The following CLSTN2 variants were observed in gnomAD, a reference collection of about 807,000 sequenced individuals.
CLSTN2 encodes the protein calsyntenin 2.
A neutral mutation model predicts 101.2 loss-of-function variants in CLSTN2; 48 were observed. The observed-to-expected ratio is 0.47, with a 90% confidence interval of 0.38 to 0.60. The LOEUF (loss-of-function observed/expected upper bound fraction) is 0.60. CLSTN2 is among the 20% of genes least tolerant of loss of function. The probability of loss-of-function intolerance (pLI) is 0.00; values close to 1 mark genes in which losing one functional copy is unlikely to be tolerated. For synonymous variants in CLSTN2, 481 were observed against 463.6 expected (o/e 1.04, Z -0.48); for missense variants, 1,160 against 1,238.2 (o/e 0.94, Z 0.95).
At chr3:140,253,817 C>A (rs2086583405) in intron 2 of CLSTN2, among the ~76,000 whole-genome samples, 1 of 151,120 alleles carries the variant, frequency 6.6e-6, no homozygotes, top group Non-Finnish European at 1.5e-5. Context: ...AGATATGGTT[C>A]TTGCCATTTA....
At chr3:140,204,198 G>T (rs1253446990) in intron 2 of CLSTN2, among the ~76,000 whole-genome samples, 2 of 152,064 alleles carry the variant, frequency 1.3e-5, no homozygotes, top group Non-Finnish European at 2.9e-5. Flanking sequence ...ATAGCATATG[G>T]CATGTGGAAG....
At position 140,121,305 on chromosome 3, in the gene CLSTN2, C is replaced by T. The variant is rs961537965; in HGVS notation, c.110-54646C>T. 2.6e-5 allele frequency among the ~76,000 whole-genome samples: 4 copies of T among 152,212 alleles called. No individual in the cohort carries two copies. In the East Asian group the frequency reaches 5.8e-4, roughly 22 times the overall value. ...GCCATAACACCCCAATTTCCTCTCA[C>T]GTGAAATGGGTATTGTGTAGGGGAA... On this transcript the variant is annotated intron_variant, in intron 1 of 16. Transcript: ENST00000458420.
At chr3:140,316,777 T>C (rs1353154878) in intron 2 of CLSTN2, among the ~76,000 whole-genome samples, 1 of 152,182 alleles carries the variant, frequency 6.6e-6, no homozygotes, top group East Asian at 1.9e-4. Context: ...CAAGTGATAT[T>C]CTAATCTGTC....
intron 16 of CLSTN2, among the ~76,000 whole-genome samples, chr3:140,565,343 G>T (rs755872206): frequency 1.1e-4 from 16 of 152,180 alleles, no homozygotes; most frequent in Non-Finnish European, 2.2e-4. Context: ...AAGTGTAAGG[G>T]GAGGGGTTGG....
At chr3:140,397,951 T>C (rs190161806) in intron 2 of CLSTN2, among the ~76,000 whole-genome samples, 66 of 60,694 alleles carry the variant, frequency 1.1e-3, no homozygotes, top group Middle Eastern at 0.021. Flanking sequence ...CATGCATTAA[T>C]ATCACTACCC....
At chr3:139,945,638 G>A (rs1276440165) in intron 1 of CLSTN2, among the ~76,000 whole-genome samples, 1 of 152,136 alleles carries the variant, frequency 6.6e-6, no homozygotes. Context: ...TAAATTTTCA[G>A]GAAGAACCAG....
rs1274971733 is a variant in CLSTN2 at position 140,533,974 on chromosome 3, T to C, written c.1507+1488T>C. Among the ~76,000 whole-genome samples the C allele has an allele frequency of 3.9e-5, 6 of 152,280 alleles. No homozygotes were observed. In the South Asian group the frequency reaches 1.2e-3, roughly 32 times the overall value. On this transcript the variant is annotated intron_variant, in intron 9 of 16. Coordinates refer to ENST00000458420, the MANE Select transcript of CLSTN2 (RefSeq NM_022131.3). ...TTGATGTCTCACTTGTGTCACATGA[T>C]AGCAAAATGTTTATTAAATATTTCA...
At chr3:140,022,325 A>G (rs1215079819) in intron 1 of CLSTN2, among the ~76,000 whole-genome samples, 2 of 152,234 alleles carry the variant, frequency 1.3e-5, no homozygotes, top group African/African-American at 2.4e-5. Flanking sequence ...AGAGTCACTG[A>G]GAGTGACTGA....
At chr3:140,279,445 G>A (rs2086825676) in intron 2 of CLSTN2, among the ~76,000 whole-genome samples, 1 of 152,222 alleles carries the variant, frequency 6.6e-6, no homozygotes, top group African/African-American at 2.4e-5. Flanking sequence ...GCCAAAAGGT[G>A]TTACATTGAG....
At chr3:140,279,839 C>T (rs1301735311) in intron 2 of CLSTN2, among the ~76,000 whole-genome samples, 1 of 152,176 alleles carries the variant, frequency 6.6e-6, no homozygotes, top group Admixed American at 6.5e-5. Context: ...AGAATTAGAC[C>T]TCCTTCTCAT....
chr3:139,952,620 C>G (rs1935313407), intron 1 of CLSTN2, among the ~76,000 whole-genome samples: 1 of 152,108 alleles, frequency 6.6e-6, no homozygotes, highest in Admixed American at 6.6e-5. Flanking sequence ...GACAGCCAGA[C>G]AAAAGTATTT....
At chr3:140,075,516 A>C (rs1447576809) in intron 1 of CLSTN2, among the ~76,000 whole-genome samples, 1 of 152,182 alleles carries the variant, frequency 6.6e-6, no homozygotes, top group Admixed American at 6.5e-5. Context: ...TAATACTCTT[A>C]CATCAAAACA....
At chr3:140,301,570 A>G (rs548118031) in intron 2 of CLSTN2, among the ~76,000 whole-genome samples, 10 of 152,372 alleles carry the variant, frequency 6.6e-5, no homozygotes, top group Admixed American at 2.6e-4. Context: ...TGAAAACAGC[A>G]AATAACATCT....
intron 1 of CLSTN2, among the ~76,000 whole-genome samples, chr3:140,077,262 T>A (rs2008507763): frequency 6.6e-6 from 1 of 152,184 alleles, no homozygotes; most frequent in Non-Finnish European, 1.5e-5. Context: ...GCCTCTTCTG[T>A]CCTAGTCATT....
chr3:140,476,422 G>A (rs1330970864), intron 8 of CLSTN2, among the ~76,000 whole-genome samples: 1 of 152,184 alleles, frequency 6.6e-6, no homozygotes, highest in Admixed American at 6.5e-5. Context: ...ACATAGCAAG[G>A]TGCTTTCCAC....
chr3:140,060,583 C>T (rs913527667), intron 1 of CLSTN2, among the ~76,000 whole-genome samples: 1 of 152,096 alleles, frequency 6.6e-6, no homozygotes, highest in Non-Finnish European at 1.5e-5. Flanking sequence ...ATGGGAAGGC[C>T]GAAGGATGAT....
intron 9 of CLSTN2, among the ~76,000 whole-genome samples, chr3:140,543,939 A>C (rs928758976): frequency 3.3e-5 from 5 of 152,210 alleles, no homozygotes; most frequent in Admixed American, 1.3e-4. Flanking sequence ...GCAATAGGGA[A>C]GGAATAATCT....
intron 1 of CLSTN2, among the ~76,000 whole-genome samples, chr3:139,956,241 T>G (rs760591427): frequency 6.6e-6 from 1 of 152,192 alleles, no homozygotes; most frequent in African/African-American, 2.4e-5. Context: ...CTTGGTAACA[T>G]GTTCTCATAT....
chr3:140,144,699 G>A (rs764914495), intron 1 of CLSTN2, among the ~76,000 whole-genome samples: 2 of 152,126 alleles, frequency 1.3e-5, no homozygotes, highest in Non-Finnish European at 2.9e-5. Context: ...CAAAAGAGCA[G>A]ATTAGGCTCA....
Sources: allele counts gnomAD v4.1 joint callset (sites outside exome capture counted in the v4.1 genomes callset), GRCh38; gene constraint gnomAD v4.1.1; transcripts MANE v1.5; gene names NCBI Gene and HGNC (gene_info 2026-07-23, HGNC 2026-07-21).